The following TCF20 variants were observed in gnomAD, a reference collection of about 807,000 sequenced individuals.
The protein encoded by TCF20 is transcription factor 20.
TCF20 carries 3 observed loss-of-function variants against 148.6 expected under a neutral mutation model. The ratio of observed to expected loss-of-function variants is 0.02; its 90% CI spans 0.01 to 0.05. The LOEUF (loss-of-function observed/expected upper bound fraction) is 0.05. TCF20 is among the 10% of genes least tolerant of loss of function. TCF20 has a pLI of 1.00. For synonymous variants in TCF20, 1,049 were observed against 909.5 expected (o/e 1.15, Z -2.76); for missense variants, 2,350 against 2,429.3 (o/e 0.97, Z 0.69).
Position 42,342,299 on chromosome 22 carries a change from C to A in TCF20, c.-37+1180G>T, listed in dbSNP as rs181714408. On this transcript the variant is annotated intron_variant, in intron 1 of 1. Coordinates refer to the TCF20 transcript ENST00000515426. ...GAATGGGGGAGAAACGACGGGAGGG[C>A]TGACTGGATGGACAGGCAGGTAGGA... 1.5e-3 allele frequency among the ~76,000 whole-genome samples: 234 copies of A among 152,218 alleles called. 6 individuals are homozygous for A. The highest frequency in any genetic ancestry group is 0.011 in the Admixed American group (175 of 15,300).
rs1298933424 is a variant in TCF20, at chr22:42,324,014, T to TGGC, written c.-37+19464_-37+19465insGCC. On this transcript the variant is annotated intron_variant, in intron 1 of 1. Coordinates refer to the TCF20 transcript ENST00000515426. ...GTGGTGGAGGTGGTGGCGGAGGTTA[T>TGGC]GGTGGTGGTGGTGGTGATGGAGGTT... Among the ~76,000 whole-genome samples the TGGC allele has an allele frequency of 3.1e-4, 2 of 6,538 alleles. 1 individual carries two copies. The highest frequency in any genetic ancestry group is 1.3e-3 in the Non-Finnish European group (2 of 1,554). 4.3% of individuals were successfully genotyped at this position (6,538 alleles called of 152,430 possible). A position where few individuals can be genotyped will look rare whatever the true frequency, so the allele number is the denominator to read the frequency against.
intron 5 of TCF20, among the ~76,000 whole-genome samples, chr22:42,161,972 C>CTTT (rs3045573): frequency 0.09 from 6,708 of 74,562 alleles, 1,779 homozygotes; most frequent in Non-Finnish European, 0.11. Context: ...TAATGACAGT[C>CTTT]TTTTTTTTTT....
upstream of TCF20, among the ~76,000 whole-genome samples, chr22:42,284,813 C>A (rs117058896): frequency 1.9e-3 from 291 of 152,356 alleles, 7 homozygotes; most frequent in East Asian, 0.054. Flanking sequence ...CCAGCACAGG[C>A]GCTTCACACC....
chr22:42,193,219 G>A (rs1056758405), intron 2 of TCF20, among the ~76,000 whole-genome samples: 1 of 151,012 alleles, frequency 6.6e-6, no homozygotes, highest in Non-Finnish European at 1.5e-5. Flanking sequence ...ATAGAGATCT[G>A]GAAGTAATAT....
rs187527075 is a variant in TCF20, at chr22:42,204,995, G to A, written c.5655+4656C>T. ...AGAGGGGAACAAGCAAAGACTCCCCGACTCCCCCACTAGTAGGGCTATCCA... is the reference window on the plus strand; with the variant it reads ...AGAGGGGAACAAGCAAAGACTCCCCAACTCCCCCACTAGTAGGGCTATCCA... On this transcript the variant is annotated intron_variant, in intron 2 of 5. Transcript: ENST00000677622. Among the ~76,000 whole-genome samples the A allele has an allele frequency of 1.3e-3, 201 of 152,206 alleles. 4 individuals carry two copies. The South Asian group carries it at 0.039, about 30-fold the overall frequency.
At chr22:42,294,088 G>C (rs1197544158) in intron 1 of TCF20, among the ~76,000 whole-genome samples, 1 of 152,170 alleles carries the variant, frequency 6.6e-6, no homozygotes. Flanking sequence ...CCTAGGACAG[G>C]AGCCAGGAAG....
intron 2 of TCF20, among the ~76,000 whole-genome samples, chr22:42,201,410 C>G (rs1366129898): frequency 6.6e-6 from 1 of 152,166 alleles, no homozygotes; most frequent in Admixed American, 6.5e-5. Context: ...ATACACCACA[C>G]AAACTCAGAA....
chr22:42,205,048 C>A (rs1938294995), intron 2 of TCF20, among the ~76,000 whole-genome samples: 1 of 152,206 alleles, frequency 6.6e-6, no homozygotes, highest in Non-Finnish European at 1.5e-5. Context: ...GCCACCAGAT[C>A]TACCTTCTGT....
chr22:42,337,535 C>A (rs1471292421), intron 1 of TCF20, among the ~76,000 whole-genome samples: 4 of 152,238 alleles, frequency 2.6e-5, no homozygotes, highest in African/African-American at 9.6e-5. Context: ...GCTCTTCCCC[C>A]TCTTCTCAGC....
chr22:42,164,451 G>C (rs758857088), intron 5 of TCF20, among the ~76,000 whole-genome samples: 1 of 151,998 alleles, frequency 6.6e-6, no homozygotes, highest in African/African-American at 2.4e-5. Flanking sequence ...GGATGGTCTC[G>C]ATCTCCTGAC....
chr22:42,230,334 G>A (rs1198871699), intron 1 of TCF20, among the ~76,000 whole-genome samples: 1 of 152,308 alleles, frequency 6.6e-6, no homozygotes, highest in East Asian at 1.9e-4. Flanking sequence ...TTATGGTCAT[G>A]CAAGTGTAAA....
chr22:42,251,987 T>A (rs1174522916), intron 1 of TCF20, among the ~76,000 whole-genome samples: 1 of 151,362 alleles, frequency 6.6e-6, no homozygotes, highest in Non-Finnish European at 1.5e-5. Flanking sequence ...GCAGATCACC[T>A]GAGGTCGGGA....
At chr22:42,245,446 G>A (rs1311395402) in intron 1 of TCF20, among the ~76,000 whole-genome samples, 1 of 152,132 alleles carries the variant, frequency 6.6e-6, no homozygotes, top group Non-Finnish European at 1.5e-5. Flanking sequence ...AGAACAAGAT[G>A]CTATCTGGGA....
intron 1 of TCF20, among the ~76,000 whole-genome samples, chr22:42,242,433 AT>A (rs1924522875): frequency 6.6e-6 from 1 of 151,982 alleles, no homozygotes; most frequent in Non-Finnish European, 1.5e-5. Flanking sequence ...CAAAAATAAC[AT>A]GAACCTGTTC....
chr22:42,170,402 G>C (rs938540301), intron 3 of TCF20, among the ~76,000 whole-genome samples: 18 of 151,626 alleles, frequency 1.2e-4, no homozygotes, highest in African/African-American at 4.4e-4. Flanking sequence ...CAGCTACTTG[G>C]GAGGCTGAGG....
intron 1 of TCF20, among the ~76,000 whole-genome samples, chr22:42,241,561 T>C (rs985356073): frequency 2.6e-5 from 4 of 152,204 alleles, no homozygotes; most frequent in Admixed American, 6.5e-5. Flanking sequence ...GCGCGGTGGC[T>C]CATACTTGTA....
upstream of TCF20, among the ~76,000 whole-genome samples, chr22:42,288,248 C>G (rs1927066607): frequency 6.6e-6 from 1 of 151,978 alleles, no homozygotes; most frequent in South Asian, 2.1e-4. Flanking sequence ...CAAAAATTAG[C>G]CAGGCATGGC....
chr22:42,215,263 G>C lies in TCF20; in HGVS notation c.43C>G (p.Gln15Glu), dbSNP rs1037852525. 1.2e-6 allele frequency: 2 copies of C among 1,614,082 alleles called. No individual in the cohort carries two copies. The highest frequency in any genetic ancestry group is 1.7e-6 in the Non-Finnish European group (2 of 1,179,970). The change falls in exon 2 of 6, where the codon CAA becomes GAA. Residue 15 changes from glutamine (Q) to glutamate (E), a missense_variant. Physicochemically the swap from Gln to Glu is conservative, Grantham distance 29. This residue lies in a region of TCF20 where 1,641 missense variants were observed against 1,662.6 expected (regional missense o/e 0.99). Coordinates refer to ENST00000677622, the MANE Select transcript of TCF20 (RefSeq NM_001378418.1). ...REQSSYHGNQ[Q>E]SYPQEVHGSS... ...CCGTGTACCTCCTGTGGGTAGCTTTGCTGGTTTCCGTGGTAACTGCTTTGC... is the reference window on the plus strand; with the variant it reads ...CCGTGTACCTCCTGTGGGTAGCTTTCCTGGTTTCCGTGGTAACTGCTTTGC...
At chr22:42,263,958 G>A (rs4822099) in intron 1 of TCF20, among the ~76,000 whole-genome samples, 6,095 of 152,172 alleles carry the variant, frequency 0.04, 368 homozygotes, top group Admixed American at 0.17. Flanking sequence ...ATCTTCCTGA[G>A]TTGTAAAGCC....
Sources: allele counts gnomAD v4.1 joint callset (sites outside exome capture counted in the v4.1 genomes callset), GRCh38; gene constraint gnomAD v4.1.1; regional missense constraint gnomAD v4.1.1; transcripts MANE v1.5; gene names NCBI Gene and HGNC (gene_info 2026-07-23, HGNC 2026-07-21).